The following RGS6 variants were observed in gnomAD, a reference collection of about 807,000 sequenced individuals.
RGS6 encodes regulator of G protein signaling 6.
RGS6 carries 30 observed loss-of-function variants against 78.5 expected under a neutral mutation model. That is an observed-to-expected ratio of 0.38 (90% CI 0.29 to 0.52). The LOEUF (loss-of-function observed/expected upper bound fraction) is 0.52. RGS6 is among the 20% of genes least tolerant of loss of function. The pLI is 0.85. For missense variants in RGS6, 495 were observed against 609.7 expected, an observed-to-expected ratio of 0.81 and a Z score of 1.98; for synonymous variants, 206 against 206.0, an observed-to-expected ratio of 1.00 and a Z score of 0.00.
At chr14:71,879,959 G>A in the RGS6 span, among the ~76,000 whole-genome samples, 11 of 152,240 alleles carry the variant, frequency 7.2e-5, no homozygotes, top group African/African-American at 1.7e-4. Flanking sequence ...ACTTCCTAGC[G>A]ACTTGTTGAA....
At chr14:72,030,011 C>T (rs980061610) in intron 2 of RGS6, among the ~76,000 whole-genome samples, 5 of 152,172 alleles carry the variant, frequency 3.3e-5, no homozygotes, top group African/African-American at 1.2e-4. Flanking sequence ...TCAATTATCT[C>T]GTCATTCTAC....
intron 2 of RGS6, among the ~76,000 whole-genome samples, chr14:72,238,628 G>A (rs1177023245): frequency 1.3e-5 from 2 of 152,210 alleles, no homozygotes; most frequent in Admixed American, 1.3e-4. Flanking sequence ...TGAGGTGAGG[G>A]GAGGGGCAGC....
chr14:72,126,450 G>A (rs912353051), intron 2 of RGS6, among the ~76,000 whole-genome samples: 1 of 152,238 alleles, frequency 6.6e-6, no homozygotes, highest in African/African-American at 2.4e-5. Context: ...TAGATTTGCT[G>A]TTTCCAGCAT....
intron 2 of RGS6, among the ~76,000 whole-genome samples, chr14:72,180,020 G>A (rs572505278): frequency 6.6e-6 from 1 of 152,330 alleles, no homozygotes; most frequent in Admixed American, 6.5e-5. Flanking sequence ...GTCCTGCAGA[G>A]CATCTCTAGT....
At chr14:72,197,075 G>A (rs2040345968) in intron 2 of RGS6, among the ~76,000 whole-genome samples, 2 of 152,004 alleles carry the variant, frequency 1.3e-5, no homozygotes, top group South Asian at 4.2e-4. Context: ...CTTTCTTTTT[G>A]TTTCTTTTGA....
At chr14:72,537,192 G>A (rs987001832) in intron 16 of RGS6, among the ~76,000 whole-genome samples, 1 of 152,134 alleles carries the variant, frequency 6.6e-6, no homozygotes, top group Non-Finnish European at 1.5e-5. Context: ...ATGGCACTTA[G>A]GGAGCACAGG....
rs147793844 is a variant in RGS6, at chr14:71,955,645, G to A, written c.-20-9127G>A. Among the ~76,000 whole-genome samples the A allele has an allele frequency of 2.6e-3, 394 of 152,270 alleles. 1 individual carries two copies. The highest frequency in any genetic ancestry group is 8.3e-3 in the African/African-American group (344 of 41,548). On this transcript the variant is annotated intron_variant, in intron 1 of 17. Transcript: ENST00000553525. ...CTGTCATGGCGCTGGTGGGAGTGTA[G>A]CAGTGAGGACAACCAGAGGTCACTC...
chr14:72,582,137 C>G, the RGS6 span, among the ~76,000 whole-genome samples: 1 of 152,208 alleles, frequency 6.6e-6, no homozygotes, highest in Non-Finnish European at 1.5e-5. Flanking sequence ...CCAAGCCATT[C>G]ATGAAGGATC....
intron 15 of RGS6, among the ~76,000 whole-genome samples, chr14:72,531,794 T>C (rs150341269): frequency 0.023 from 3,447 of 152,338 alleles, 55 homozygotes; most frequent in Non-Finnish European, 0.031. Context: ...ACACTTATTG[T>C]TTGTAGTGAG....
chr14:71,954,967 T>C lies in RGS6; in HGVS notation c.-20-9805T>C, dbSNP rs1485295651. On this transcript the variant is annotated intron_variant, in intron 1 of 17. Transcript: ENST00000553525. ...AATGTGTTTTTCTTACCTTTCACCATGCGTTGTAATTTTTTGTTGAAAGCC... is the reference window on the plus strand; with the variant it reads ...AATGTGTTTTTCTTACCTTTCACCACGCGTTGTAATTTTTTGTTGAAAGCC... 7.9e-5 allele frequency among the ~76,000 whole-genome samples: 12 copies of C among 152,316 alleles called. No individual in the cohort carries two copies. The East Asian group carries it at 2.3e-3, about 29-fold the overall frequency.
chr14:72,622,085 C>A, the RGS6 span, among the ~76,000 whole-genome samples: 103 of 152,298 alleles, frequency 6.8e-4, no homozygotes, highest in Admixed American at 2.3e-3. Flanking sequence ...ATGTCTTTGA[C>A]CTTGTCTTCA....
chr14:72,427,432 G>C (rs994573596), intron 3 of RGS6, among the ~76,000 whole-genome samples: 4 of 152,230 alleles, frequency 2.6e-5, no homozygotes, highest in Non-Finnish European at 5.9e-5. Context: ...AGAGACTACT[G>C]TAGATCCTCC....
intron 2 of RGS6, among the ~76,000 whole-genome samples, chr14:72,272,446 G>A (rs139006074): frequency 1.3e-5 from 2 of 152,306 alleles, no homozygotes; most frequent in African/African-American, 4.8e-5. Flanking sequence ...AAAAAATCAA[G>A]GTTGTGGTTA....
intron 1 of RGS6, among the ~76,000 whole-genome samples, chr14:71,959,934 A>G (rs965399308): frequency 1.3e-5 from 2 of 152,200 alleles, no homozygotes; most frequent in Admixed American, 6.5e-5. Context: ...AAGGCCACAT[A>G]GTAGCCTTAA....
the RGS6 span, among the ~76,000 whole-genome samples, chr14:72,573,187 G>A: frequency 1.3e-5 from 2 of 152,134 alleles, no homozygotes; most frequent in East Asian, 1.9e-4. Context: ...TAGGAAAAAA[G>A]GAATTTAATT....
At chr14:72,348,325 C>T (rs1156802626) in intron 2 of RGS6, among the ~76,000 whole-genome samples, 4 of 152,192 alleles carry the variant, frequency 2.6e-5, no homozygotes, top group African/African-American at 4.8e-5. Flanking sequence ...ATTGCTTAAC[C>T]TTTCTAAGCC....
At chr14:72,148,935 A>C (rs1390719720) in intron 2 of RGS6, among the ~76,000 whole-genome samples, 1 of 152,234 alleles carries the variant, frequency 6.6e-6, no homozygotes, top group East Asian at 1.9e-4. Flanking sequence ...AAGTCCCAAC[A>C]GTTATGGCTT....
At chr14:72,542,251 C>T (rs1010188565) in intron 17 of RGS6, among the ~76,000 whole-genome samples, 3 of 152,162 alleles carry the variant, frequency 2.0e-5, no homozygotes, top group African/African-American at 7.2e-5. Flanking sequence ...ACCATAGCCC[C>T]ACAAGATGTG....
intron 13 of RGS6, among the ~76,000 whole-genome samples, chr14:72,508,832 C>A (rs2096843865): frequency 6.6e-6 from 1 of 152,032 alleles, no homozygotes; most frequent in Non-Finnish European, 1.5e-5. Context: ...TATGGTTCTT[C>A]TTCTGGTTCA....
Sources: gnomAD v4.1 joint callset for allele counts (sites outside exome capture counted in the v4.1 genomes callset) on GRCh38, gnomAD v4.1.1 for gene constraint, MANE v1.5 for transcripts, NCBI Gene and HGNC (gene_info 2026-07-23, HGNC 2026-07-21) for gene names.